The following GXYLT1 variants were observed in gnomAD, a reference collection of about 807,000 sequenced individuals.
GXYLT1 encodes the protein glycosyltransferase 8 domain containing 3.
A neutral mutation model predicts 54.0 loss-of-function variants in GXYLT1; 29 were observed. The observed-to-expected ratio is 0.54, with a 90% CI of 0.40 to 0.73. The LOEUF is 0.73. GXYLT1 is among the 30% of genes least tolerant of loss of function. The pLI is 0.00. For missense variants in GXYLT1, 490 were observed against 553.4 expected, an observed-to-expected ratio of 0.89 and a Z score of 1.15; for synonymous variants, 176 against 204.1, an observed-to-expected ratio of 0.86 and a Z score of 1.17.
rs562768159 is a variant in GXYLT1, at chr12:42,128,955, C to T, written c.314+804G>A. Among the ~76,000 whole-genome samples, 8 of 152,204 alleles carry T rather than the reference C, an allele frequency of 5.3e-5. No homozygotes were observed. The East Asian group carries it at 9.7e-4, about 18-fold the overall frequency. ...CCTCCCAAAATGCTGAGATTACAGGCGTGAGCCACCATACCCAACCTAGAC... is the reference window on the plus strand; with the variant it reads ...CCTCCCAAAATGCTGAGATTACAGGTGTGAGCCACCATACCCAACCTAGAC... On this transcript the variant is annotated intron_variant, in intron 2 of 7. Coordinates refer to ENST00000398675, the MANE Select transcript of GXYLT1 (RefSeq NM_173601.2).
intron 5 of GXYLT1, among the ~76,000 whole-genome samples, chr12:42,102,360 A>G (rs2065395094): frequency 6.6e-6 from 1 of 152,242 alleles, no homozygotes; most frequent in Non-Finnish European, 1.5e-5. Context: ...AAAACTCTTT[A>G]TCACATACAT....
At chr12:42,123,552 TTAA>T (rs1472074345) in intron 2 of GXYLT1, among the ~76,000 whole-genome samples, 1 of 152,056 alleles carries the variant, frequency 6.6e-6, no homozygotes. Context: ...GCAAATACTG[TTAA>T]TAAACTTCTA....
chr12:42,144,849 C>G lies in GXYLT1; in HGVS notation c.-203G>C, dbSNP rs534576852. The G allele has an allele frequency of 2.8e-6, 1 of 354,934 alleles. No individual in the cohort carries two copies. The highest frequency in any genetic ancestry group is 5.1e-6 in the Non-Finnish European group (1 of 196,806). 22.0% of individuals were successfully genotyped at this position (354,934 alleles called of 1,614,324 possible). A position where few individuals can be genotyped will look rare whatever the true frequency, so the allele number is the denominator to read the frequency against. ...GCGGCTCCGGAGCCGAAGGACTACCCGCCCGGAAGCCTGGACACCGCCTCT... is the reference window on the plus strand; with the variant it reads ...GCGGCTCCGGAGCCGAAGGACTACCGGCCCGGAAGCCTGGACACCGCCTCT... On this transcript the variant is annotated 5_prime_UTR_variant, in exon 1 of 8. Coordinates refer to ENST00000398675, the MANE Select transcript of GXYLT1 (RefSeq NM_173601.2).
At chr12:42,135,172 G>T (rs915300440) in intron 1 of GXYLT1, among the ~76,000 whole-genome samples, 1 of 152,210 alleles carries the variant, frequency 6.6e-6, no homozygotes, top group Non-Finnish European at 1.5e-5. Flanking sequence ...GGACTGTGTT[G>T]TTCAATCTGG....
At chr12:42,134,354 C>G (rs2065608367) in intron 1 of GXYLT1, among the ~76,000 whole-genome samples, 1 of 152,148 alleles carries the variant, frequency 6.6e-6, no homozygotes, top group African/African-American at 2.4e-5. Flanking sequence ...CTCTGTCGCT[C>G]AGGGTGGAGT....
chr12:42,112,937 C>T (rs1379200688), intron 3 of GXYLT1, among the ~76,000 whole-genome samples: 1 of 151,230 alleles, frequency 6.6e-6, no homozygotes, highest in African/African-American at 2.5e-5. Context: ...GATCTCTCGG[C>T]AGAAACTCTA....
At chr12:42,124,250 AAAG>A (rs2065547843) in intron 2 of GXYLT1, among the ~76,000 whole-genome samples, 3 of 152,122 alleles carry the variant, frequency 2.0e-5, no homozygotes, top group South Asian at 4.1e-4. Context: ...TTCCCACCAT[AAAG>A]AAGATTCAAT....
chr12:42,132,136 C>T (rs1259039799), intron 1 of GXYLT1, among the ~76,000 whole-genome samples: 2 of 152,120 alleles, frequency 1.3e-5, no homozygotes, highest in African/African-American at 4.8e-5. Flanking sequence ...CAAAACAAAT[C>T]AGTTATGTGT....
At chr12:42,135,068 ATTT>A (rs1171274986) in intron 1 of GXYLT1, among the ~76,000 whole-genome samples, 2 of 152,218 alleles carry the variant, frequency 1.3e-5, no homozygotes, top group African/African-American at 4.8e-5. Context: ...TCCCTGCATC[ATTT>A]ATTGACTTTG....
intron 7 of GXYLT1, among the ~76,000 whole-genome samples, chr12:42,093,517 C>A (rs61942482): frequency 0.17 from 26,398 of 152,126 alleles, 2,324 homozygotes; most frequent in Admixed American, 0.23. Context: ...GTAGCCCCAT[C>A]AGATATTAAA....
chr12:42,094,632 C>G (rs1212159644), intron 7 of GXYLT1, among the ~76,000 whole-genome samples: 1 of 151,450 alleles, frequency 6.6e-6, no homozygotes, highest in African/African-American at 2.4e-5. Context: ...GCACTCCAGC[C>G]TGGGTGACAG....
At chr12:42,090,336 G>A (rs1411095417) in intron 7 of GXYLT1, among the ~76,000 whole-genome samples, 4 of 152,114 alleles carry the variant, frequency 2.6e-5, no homozygotes, top group Non-Finnish European at 4.4e-5. Flanking sequence ...CTACATCTAG[G>A]TGTCCCTTTC....
chr12:42,123,174 T>C (rs1004032202), intron 2 of GXYLT1, among the ~76,000 whole-genome samples: 1 of 152,010 alleles, frequency 6.6e-6, no homozygotes, highest in African/African-American at 2.4e-5. Flanking sequence ...GGGTCCTGAA[T>C]GGGGAGGAAA....
At chr12:42,104,557 T>TA (rs10713678) in intron 5 of GXYLT1, among the ~76,000 whole-genome samples, 1,532 of 145,614 alleles carry the variant, frequency 0.011, 27 homozygotes, top group African/African-American at 0.033. Context: ...AAGGGAAAGC[T>TA]AAAAAAAAAA....
At chr12:42,125,964 C>T (rs1280696050) in intron 2 of GXYLT1, among the ~76,000 whole-genome samples, 1 of 151,936 alleles carries the variant, frequency 6.6e-6, no homozygotes, top group African/African-American at 2.4e-5. Context: ...GAGGTCCAGG[C>T]AGCAGTGAGC....
chr12:42,100,866 T>C (rs1376771909), intron 5 of GXYLT1, among the ~76,000 whole-genome samples: 3 of 152,022 alleles, frequency 2.0e-5, no homozygotes. Context: ...AAAGTCTTCA[T>C]GTGATTCTAT....
chr12:42,107,414 G>A (rs1592109249), intron 4 of GXYLT1, among the ~76,000 whole-genome samples: 1 of 152,190 alleles, frequency 6.6e-6, no homozygotes, highest in African/African-American at 2.4e-5. Flanking sequence ...TCTGTGGCCA[G>A]GCATGGTGGC....
rs558592100 is a variant in GXYLT1 at position 42,111,324 on chromosome 12, G to A, written c.487-1633C>T. ...GCGCACCGTGCGCGAGCCGAACCGG[G>A]GCGAGGCATCGCCTCACCCGGGAAG... On this transcript the variant is annotated intron_variant, in intron 3 of 7. Coordinates refer to ENST00000398675, the MANE Select transcript of GXYLT1 (RefSeq NM_173601.2). Among the ~76,000 whole-genome samples, 3 of 152,340 alleles carry A rather than the reference G, an allele frequency of 2.0e-5. No homozygotes were observed. In the South Asian group the frequency reaches 6.2e-4, roughly 32 times the overall value.
chr12:42,084,039 G>C lies in GXYLT1; in HGVS notation c.*3747C>G, dbSNP rs1592094892. 6.6e-6 allele frequency: 1 copy of C among 152,006 alleles called. No homozygotes were observed. Among genetic ancestry groups the C allele is most frequent in the Non-Finnish European group, 1.5e-5 (1 of 68,014 alleles). The allele number at this position is 152,006 out of a possible 1,614,324, so 9.4% of individuals were successfully genotyped here. ...AATGATCAGTGAGTAGGGTGATTGG[G>C]AAACAACTCTAGTACTAACAAACCA... is the stretch of plus-strand genomic sequence containing the variant. On this transcript the variant is annotated 3_prime_UTR_variant, in exon 8 of 8. Coordinates refer to ENST00000398675, the MANE Select transcript of GXYLT1 (RefSeq NM_173601.2).
Sources: gnomAD v4.1 joint callset for allele counts (sites outside exome capture counted in the v4.1 genomes callset) on GRCh38, gnomAD v4.1.1 for gene constraint, MANE v1.5 for transcripts, NCBI Gene and HGNC (gene_info 2026-07-23, HGNC 2026-07-21) for gene names.